MAP4K5: variants seen among roughly 807,000 people sequenced by gnomAD.
MAP4K5 encodes the protein mitogen-activated protein kinase kinase kinase kinase 5, also known as MAPK/ERK kinase kinase kinase 5.
MAP4K5 carries 82 observed loss-of-function variants against 135.6 expected under a neutral mutation model. The ratio of observed to expected loss-of-function variants is 0.60; its 90% CI spans 0.51 to 0.73. The LOEUF (loss-of-function observed/expected upper bound fraction) is 0.73. Ranked by LOEUF, MAP4K5 falls within the 30% of genes least tolerant of loss-of-function variation. The pLI, the probability that MAP4K5 is intolerant of heterozygous loss-of-function variation, is 0.00. For synonymous variants in MAP4K5, 347 were observed against 335.0 expected, an observed-to-expected ratio of 1.04 and a Z score of -0.39; for missense variants, 907 against 1,010.9, an observed-to-expected ratio of 0.90 and a Z score of 1.39.
intron 2 of MAP4K5, among the ~76,000 whole-genome samples, chr14:50,541,749 G>A (rs1366296622): frequency 1.3e-5 from 2 of 151,888 alleles, no homozygotes; most frequent in South Asian, 2.1e-4. Flanking sequence ...GGCCAGGCGC[G>A]GTGGCTCACG....
intron 4 of MAP4K5, 79 bp from the exon 5 acceptor site, chr14:50,485,721 C>T: frequency 1.2e-6 from 1 of 850,328 alleles, no homozygotes; most frequent in Non-Finnish European, 1.9e-6. Flanking sequence ...CACTCTTTAG[C>T]ACACCAGGGT....
chr14:50,448,993 T>G, intron 14 of MAP4K5, 161 bp from the exon 15 acceptor site: 2 of 572,322 alleles, frequency 3.5e-6, no homozygotes, highest in Non-Finnish European at 6.1e-6. Flanking sequence ...CCCTTTGTTA[T>G]GCTTACCAAA....
chr14:50,466,647 TG>T lies in MAP4K5; in HGVS notation c.675-3del. ...CTTTTTGACATTAAGAAGAGAGCCC[TG>T]AAATAAAAATTATAGTTAAAGAACA... is the stretch of plus-strand genomic sequence containing the variant. On this transcript the variant is annotated splice_region_variant and splice_polypyrimidine_tract_variant and intron_variant, in intron 10 of 32. Transcript: ENST00000682126. The T allele has an allele frequency of 7.2e-7, 1 of 1,384,496 alleles. No homozygotes were observed. Among genetic ancestry groups the T allele is most frequent in the Non-Finnish European group, 1.0e-6 (1 of 997,060 alleles). The allele number at this position is 1,384,496 out of a possible 1,614,324, so 85.8% of individuals were successfully genotyped here.
chr14:50,499,217 G>A (rs1248398204), intron 3 of MAP4K5, among the ~76,000 whole-genome samples: 2 of 151,868 alleles, frequency 1.3e-5, no homozygotes, highest in Admixed American at 6.6e-5. Flanking sequence ...AAACTCTCAG[G>A]GATATGAAAG....
At position 50,471,175 on chromosome 14, in the gene MAP4K5, C is replaced by T. The variant is rs369560475; in HGVS notation, c.543-2393G>A. On this transcript the variant is annotated intron_variant, in intron 9 of 32. Coordinates refer to ENST00000682126, the MANE Select transcript of MAP4K5 (RefSeq NM_006575.6). ...CTATTCTTCCTGATGCTCTCCCTCCCTAACCCCTGTTGTACCAATTTCTAC... is the reference window on the plus strand; with the variant it reads ...CTATTCTTCCTGATGCTCTCCCTCCTTAACCCCTGTTGTACCAATTTCTAC... Among the ~76,000 whole-genome samples, 170 of 152,270 alleles carry T rather than the reference C, an allele frequency of 1.1e-3. 2 individuals carry two copies. The South Asian group carries it at 0.033, about 29-fold the overall frequency.
chr14:50,554,066 C>T lies in MAP4K5; in HGVS notation c.-180+6974G>A, dbSNP rs373230697. 7.3e-5 allele frequency among the ~76,000 whole-genome samples: 11 copies of T among 149,870 alleles called. No individual in the cohort carries two copies. In the East Asian group the frequency reaches 7.8e-4, roughly 11 times the overall value. On this transcript the variant is annotated intron_variant, in intron 1 of 8. Transcript: ENST00000555216. ...ACCACTAAAGAACTTATTAATGTAA[C>T]AAAAAAAATCTGTTCCCCAAAAACT...
At chr14:50,514,166 C>T (rs4402454) in intron 2 of MAP4K5, among the ~76,000 whole-genome samples, 127,983 of 152,020 alleles carry the variant, frequency 0.84, 55,394 homozygotes, top group Non-Finnish European at 0.93. Context: ...CAGCCTCCAC[C>T]TCCCAGGCTC....
chr14:50,547,437 A>G (rs889692051), intron 1 of MAP4K5, among the ~76,000 whole-genome samples: 1 of 152,198 alleles, frequency 6.6e-6, no homozygotes, highest in African/African-American at 2.4e-5. Flanking sequence ...GCTGAATAAA[A>G]ACAAGGACGG....
chr14:50,499,012 CAT>C (rs2037651428), intron 3 of MAP4K5, among the ~76,000 whole-genome samples: 1 of 152,158 alleles, frequency 6.6e-6, no homozygotes, highest in Admixed American at 6.5e-5. Context: ...AGCATACCAT[CAT>C]ATTTTTAACC....
At chr14:50,498,818 C>T (rs1419018321) in intron 3 of MAP4K5, among the ~76,000 whole-genome samples, 1 of 152,126 alleles carries the variant, frequency 6.6e-6, no homozygotes, top group Non-Finnish European at 1.5e-5. Context: ...ATTATCTTTT[C>T]ATGTCTAAAT....
At chr14:50,548,077 A>T (rs1179016478) in intron 1 of MAP4K5, among the ~76,000 whole-genome samples, 1 of 152,130 alleles carries the variant, frequency 6.6e-6, no homozygotes, top group African/African-American at 2.4e-5. Flanking sequence ...GGGGATGGGA[A>T]GCCAACCCCA....
chr14:50,497,082 GC>G (rs1257828677), intron 3 of MAP4K5, among the ~76,000 whole-genome samples: 1 of 152,146 alleles, frequency 6.6e-6, no homozygotes, highest in Non-Finnish European at 1.5e-5. Context: ...GAATAAATTA[GC>G]AGTACTTTTT....
At chr14:50,525,066 C>T (rs1219714031) in intron 2 of MAP4K5, among the ~76,000 whole-genome samples, 3 of 152,160 alleles carry the variant, frequency 2.0e-5, no homozygotes, top group Non-Finnish European at 2.9e-5. Flanking sequence ...CTCAGCTCTC[C>T]TACAAACTCT....
intron 28 of MAP4K5, among the ~76,000 whole-genome samples, chr14:50,431,116 T>C (rs1050259875): frequency 1.6e-4 from 25 of 152,316 alleles, no homozygotes; most frequent in African/African-American, 5.8e-4. Flanking sequence ...AAAATGTTCT[T>C]TGGGTAAATA....
At chr14:50,530,598 TA>T (rs1202068528) in intron 2 of MAP4K5, among the ~76,000 whole-genome samples, 1 of 152,178 alleles carries the variant, frequency 6.6e-6, no homozygotes, top group African/African-American at 2.4e-5. Flanking sequence ...AATCCCTGGA[TA>T]AACAACTAAG....
chr14:50,463,810 A>T (rs1456800582), intron 12 of MAP4K5, among the ~76,000 whole-genome samples: 1 of 138,372 alleles, frequency 7.2e-6, no homozygotes, highest in Non-Finnish European at 1.5e-5. Context: ...GCTTGATCCC[A>T]GGGGGTGGGG....
chr14:50,447,313 T>C, intron 16 of MAP4K5, 101 bp downstream of exon 16: 1 of 704,860 alleles, frequency 1.4e-6, no homozygotes. Flanking sequence ...GCATAACTTT[T>C]TCAAGAATGC....
chr14:50,490,591 C>T (rs1020165027), intron 3 of MAP4K5, among the ~76,000 whole-genome samples: 1 of 152,154 alleles, frequency 6.6e-6, no homozygotes, highest in Admixed American at 6.5e-5. Context: ...AAGTTTTCTG[C>T]CCCTTGTTTC....
intron 18 of MAP4K5, 62 bp downstream of exon 18, chr14:50,444,979 T>C: frequency 1.3e-6 from 2 of 1,499,740 alleles, no homozygotes; most frequent in Non-Finnish European, 9.0e-7. Flanking sequence ...CTTTGATTTA[T>C]TCACCCAGAT....
Sources: allele counts gnomAD v4.1 joint callset (sites outside exome capture counted in the v4.1 genomes callset), GRCh38; gene constraint gnomAD v4.1.1; transcripts MANE v1.5; gene names NCBI Gene and HGNC (gene_info 2026-07-23, HGNC 2026-07-21).